RBFOX1: variants seen among roughly 807,000 people sequenced by gnomAD.
RBFOX1 encodes RNA binding fox-1 homolog 1.
In RBFOX1, 8 loss-of-function variants were observed where a neutral mutation model predicts 57.7. The observed-to-expected ratio is 0.14, with a 90% CI of 0.08 to 0.25. RBFOX1 has a LOEUF of 0.25. Among genes scored for constraint, RBFOX1 ranks in the 10% least tolerant of loss-of-function variants. RBFOX1 has a pLI of 1.00. For missense variants in RBFOX1, 611 were observed against 548.5 expected, an observed-to-expected ratio of 1.11 and a Z score of -1.14; for synonymous variants, 326 against 222.4, an observed-to-expected ratio of 1.47 and a Z score of -4.15.
In RBFOX1 at chr16:5,811,143, A is replaced by ATTTTTTTT. The variant is rs374827330; in HGVS notation, c.319-56144_319-56137dup. ...ATATAAATGAAATCTTATGGAACAA[A>ATTTTTTTT]TTTTTTTTTTTTTTTTTTTTTTTGA... On this transcript the variant is annotated intron_variant, in intron 3 of 19. Transcript: ENST00000641259. 2.3e-4 allele frequency among the ~76,000 whole-genome samples: 24 copies of ATTTTTTTT among 104,546 alleles called. 1 individual carries two copies. Among genetic ancestry groups the ATTTTTTTT allele is most frequent in the East Asian group, 3.0e-4 (1 of 3,372 alleles). 68.6% of individuals were successfully genotyped at this position (104,546 alleles called of 152,430 possible).
intron 3 of RBFOX1, among the ~76,000 whole-genome samples, chr16:6,963,538 C>A (rs1306535704): frequency 6.6e-6 from 1 of 151,916 alleles, no homozygotes; most frequent in Non-Finnish European, 1.5e-5. Context: ...GACTCACTTG[C>A]AATGTAAAAT....
At chr16:5,919,423 A>T (rs1347494208) in intron 4 of RBFOX1, among the ~76,000 whole-genome samples, 2 of 151,932 alleles carry the variant, frequency 1.3e-5, no homozygotes, top group South Asian at 2.1e-4. Context: ...GCTCACTGCA[A>T]CTTCCTCCTC....
intron 3 of RBFOX1, among the ~76,000 whole-genome samples, chr16:6,933,539 C>T (rs569639642): frequency 9.2e-5 from 14 of 152,318 alleles, no homozygotes; most frequent in Non-Finnish European, 1.9e-4. Flanking sequence ...ATGGTGAAAT[C>T]TCTTCTCTAC....
At chr16:6,823,915 C>T (rs767545654) in intron 3 of RBFOX1, among the ~76,000 whole-genome samples, 1 of 152,122 alleles carries the variant, frequency 6.6e-6, no homozygotes, top group African/African-American at 2.4e-5. Flanking sequence ...TGGAGTTACA[C>T]GTAAGAAATC....
chr16:7,310,347 G>A (rs1326224664), intron 4 of RBFOX1, among the ~76,000 whole-genome samples: 1 of 152,266 alleles, frequency 6.6e-6, no homozygotes, highest in South Asian at 2.1e-4. Context: ...GGTTGTTTCT[G>A]ATCTTCCTGT....
At chr16:6,547,101 A>G (rs1029181910) in intron 2 of RBFOX1, among the ~76,000 whole-genome samples, 4 of 152,316 alleles carry the variant, frequency 2.6e-5, no homozygotes, top group Admixed American at 6.5e-5. Context: ...GCCCAACTCT[A>G]TTGCATTGAG....
intron 2 of RBFOX1, among the ~76,000 whole-genome samples, chr16:6,542,638 C>T (rs1259909250): frequency 3.3e-5 from 5 of 151,642 alleles, no homozygotes; most frequent in African/African-American, 4.8e-5. Context: ...CACAGGCGCC[C>T]GCCACCATGC....
intron 11 of RBFOX1, among the ~76,000 whole-genome samples, chr16:7,636,220 G>T (rs1394758707): frequency 6.6e-6 from 1 of 152,242 alleles, no homozygotes; most frequent in African/African-American, 2.4e-5. Context: ...ACATGGAACT[G>T]TTGGTTCCCT....
At chr16:7,072,527 C>T (rs1044437010) in intron 4 of RBFOX1, among the ~76,000 whole-genome samples, 2 of 152,144 alleles carry the variant, frequency 1.3e-5, no homozygotes, top group African/African-American at 4.8e-5. Context: ...TTTGCAAATA[C>T]CAGTGGCTAT....
chr16:7,203,303 C>G (rs770807655), intron 4 of RBFOX1, among the ~76,000 whole-genome samples: 3 of 152,140 alleles, frequency 2.0e-5, no homozygotes, highest in Non-Finnish European at 4.4e-5. Context: ...AACACACGCA[C>G]TGTATAATTC....
intron 3 of RBFOX1, among the ~76,000 whole-genome samples, chr16:6,819,286 C>T (rs990091701): frequency 2.6e-5 from 4 of 152,184 alleles, no homozygotes; most frequent in Non-Finnish European, 4.4e-5. Flanking sequence ...GGCATAGTCC[C>T]TTGTACATAG....
intron 2 of RBFOX1, among the ~76,000 whole-genome samples, chr16:6,532,980 T>C (rs2096680691): frequency 6.6e-6 from 1 of 152,190 alleles, no homozygotes; most frequent in South Asian, 2.1e-4. Context: ...AACATTGTGA[T>C]TACTCGAAGT....
intron 2 of RBFOX1, among the ~76,000 whole-genome samples, chr16:6,633,452 A>G (rs978440476): frequency 5.3e-5 from 8 of 151,924 alleles, no homozygotes; most frequent in African/African-American, 1.4e-4. Flanking sequence ...TGATTTTTGC[A>G]TTTATTATTA....
At chr16:6,487,180 GTA>G (rs1491121961) in intron 2 of RBFOX1, among the ~76,000 whole-genome samples, 1 of 146,602 alleles carries the variant, frequency 6.8e-6, no homozygotes, top group African/African-American at 2.5e-5. Flanking sequence ...GTGTGTGTGT[GTA>G]CCCAAAAGGC....
intron 4 of RBFOX1, among the ~76,000 whole-genome samples, chr16:7,053,144 T>C (rs1219653585): frequency 1.3e-5 from 2 of 152,238 alleles, no homozygotes; most frequent in Non-Finnish European, 1.5e-5. Flanking sequence ...GTTGCTTCCA[T>C]TTCACAGTTG....
chr16:7,524,364 C>G (rs2078201527), intron 5 of RBFOX1, among the ~76,000 whole-genome samples: 1 of 152,202 alleles, frequency 6.6e-6, no homozygotes, highest in Non-Finnish European at 1.5e-5. Context: ...AGATGAGTCC[C>G]TGCAGGCCTT....
intron 4 of RBFOX1, among the ~76,000 whole-genome samples, chr16:7,222,141 G>C (rs529994526): frequency 6.6e-6 from 1 of 152,076 alleles, no homozygotes; most frequent in Admixed American, 6.6e-5. Flanking sequence ...AAAAAGATTC[G>C]TTGTTTCAAA....
chr16:5,242,280 C>T (rs1330868390), intron 1 of RBFOX1, among the ~76,000 whole-genome samples: 1 of 152,226 alleles, frequency 6.6e-6, no homozygotes, highest in African/African-American at 2.4e-5. Context: ...ATGTGAATTT[C>T]ATGACCTGAA....
chr16:5,939,263 T>A (rs1294160054), intron 4 of RBFOX1, among the ~76,000 whole-genome samples: 2 of 152,208 alleles, frequency 1.3e-5, no homozygotes, highest in African/African-American at 4.8e-5. Flanking sequence ...TATTAGTATA[T>A]GTAATTGTCT....
Sources: allele counts gnomAD v4.1 joint callset (sites outside exome capture counted in the v4.1 genomes callset), GRCh38; gene constraint gnomAD v4.1.1; transcripts MANE v1.5; gene names NCBI Gene and HGNC (gene_info 2026-07-23, HGNC 2026-07-21).